CASZ1: variants seen among roughly 807,000 people sequenced by gnomAD.
CASZ1 encodes the protein castor zinc finger 1, also known as zinc finger protein castor homolog 1.
Under a neutral mutation model 135.2 loss-of-function variants are expected in CASZ1, and 28 were observed. That is an observed-to-expected ratio of 0.21 (90% CI 0.15 to 0.28). The LOEUF (loss-of-function observed/expected upper bound fraction) is 0.28, where lower values mean the gene tolerates loss of function less well. Ranked by LOEUF, CASZ1 falls within the 10% of genes least tolerant of loss-of-function variation. The probability of loss-of-function intolerance (pLI) is 1.00; values close to 1 mark genes in which losing one functional copy is unlikely to be tolerated. For missense variants in CASZ1, 2,161 were observed against 2,453.3 expected (o/e 0.88, Z 2.52); for synonymous variants, 1,068 against 1,073.4 (o/e 0.99, Z 0.10).
At chr1:10,649,946 G>A (rs1377648021) in intron 13 of CASZ1, 2 of 151,832 alleles carry the variant, frequency 1.3e-5, no homozygotes, top group Non-Finnish European at 2.9e-5. Flanking sequence ...GGGTCATTGC[G>A]AGGATCCAAG....
chr1:10,783,039 G>A (rs1043019238), intron 1 of CASZ1, among the ~76,000 whole-genome samples: 1 of 152,118 alleles, frequency 6.6e-6, no homozygotes, highest in Admixed American at 6.5e-5. Flanking sequence ...GAAAGGAGCC[G>A]GCACAATGCA....
At chr1:10,779,368 G>C (rs555499532) in intron 1 of CASZ1, among the ~76,000 whole-genome samples, 1 of 150,160 alleles carries the variant, frequency 6.7e-6, no homozygotes, top group East Asian at 2.0e-4. Flanking sequence ...CACGAAGGCT[G>C]AGTCACCGAT....
In CASZ1 at chr1:10,741,388, C is replaced by T. The variant is rs145253784; in HGVS notation, c.-77+19313G>A. Among the ~76,000 whole-genome samples the T allele has an allele frequency of 1.8e-4, 27 of 152,226 alleles. No homozygotes were observed. The East Asian group carries it at 4.4e-3, about 25-fold the overall frequency. On this transcript the variant is annotated intron_variant, in intron 2 of 20. Transcript: ENST00000377022. The surrounding 1 kb of genome is among the most constrained non-coding windows in gnomAD (Gnocchi z 5.0). ...CCAGCAGTTGTCCTGGGGGTGGGGG[C>T]GGCAGGGCACAGGGAGCAGACACAG...
chr1:10,777,781 A>G lies in CASZ1; in HGVS notation c.-233-16924T>C, dbSNP rs1640687252. On this transcript the variant is annotated intron_variant, in intron 1 of 20. Transcript: ENST00000377022. The surrounding 1 kb of genome is among the most constrained non-coding windows in gnomAD (Gnocchi z 4.4). ...ATACACACCCACTCACATAATCCAC[A>G]TAAAATCACACACAATCTTATATAC... 6.6e-6 allele frequency among the ~76,000 whole-genome samples: 1 copy of G among 151,900 alleles called. No individual in the cohort carries two copies. Among genetic ancestry groups the G allele is most frequent in the African/African-American group, 2.4e-5 (1 of 41,316 alleles).
chr1:10,652,963 G>A, intron 11 of CASZ1: 1 of 270,718 alleles, frequency 3.7e-6, no homozygotes, highest in Non-Finnish European at 7.3e-6. Context: ...CTACCGCTGG[G>A]CTGGACGCAG....
In CASZ1 at chr1:10,647,596, C is replaced by T. The variant is rs1004991604; in HGVS notation, c.3497+205G>A. ...CCACTGCCGCCACCATCGGCCCACG[C>T]GGGCTGGCCTGCTCTGGGACAGGCA... On this transcript the variant is annotated intron_variant, in intron 16 of 20. Coordinates refer to ENST00000377022, the MANE Select transcript of CASZ1 (RefSeq NM_001079843.3). This position sits in a 1 kb window ranked among gnomAD's most constrained non-coding sequence, Gnocchi z 4.9. 37 of 1,431,100 alleles carry T rather than the reference C, an allele frequency of 2.6e-5. No homozygotes were observed. Among genetic ancestry groups the T allele is most frequent in the African/African-American group, 7.2e-5 (5 of 69,646 alleles). 88.7% of individuals were successfully genotyped at this position (1,431,100 alleles called of 1,614,324 possible).
At chr1:10,733,575 T>C (rs1639742027) in intron 2 of CASZ1, among the ~76,000 whole-genome samples, 2 of 152,156 alleles carry the variant, frequency 1.3e-5, no homozygotes, top group Non-Finnish European at 2.9e-5. Flanking sequence ...GCAGAGAAGT[T>C]ACCGGGCAAC....
chr1:10,729,521 C>G (rs1446338619), intron 2 of CASZ1, among the ~76,000 whole-genome samples: 6 of 152,206 alleles, frequency 3.9e-5, no homozygotes, highest in African/African-American at 1.4e-4. Flanking sequence ...AGAACTCAGC[C>G]CCTTCAGATG....
chr1:10,652,654 G>GC (rs1642632341), intron 11 of CASZ1: 1 of 152,224 alleles, frequency 6.6e-6, no homozygotes, highest in East Asian at 1.9e-4. Flanking sequence ...AGAGAACTGC[G>GC]CCCCTCAGTG....
At position 10,643,015 on chromosome 1, in the gene CASZ1, G is replaced by A. The variant is rs373123307; in HGVS notation, c.4021-15C>T. ...CCTGGGGGGCCCTGAAAGGACACGG[G>A]GGTCCCTGAGGAAGTGGGGCTGTGG... On this transcript the variant is annotated splice_polypyrimidine_tract_variant and intron_variant, in intron 19 of 20. Transcript: ENST00000377022. 8 of 1,610,150 alleles carry A rather than the reference G, an allele frequency of 5.0e-6. No homozygotes were observed. In the African/African-American group the frequency reaches 1.1e-4, roughly 22 times the overall value.
chr1:10,793,383 G>GT (rs1234311448), intron 1 of CASZ1, among the ~76,000 whole-genome samples: 2 of 151,980 alleles, frequency 1.3e-5, no homozygotes, highest in Non-Finnish European at 2.9e-5. Context: ...CCTCTCCTTC[G>GT]TAAGAAGGAA....
chr1:10,764,445 T>A lies in CASZ1; in HGVS notation c.-233-3588A>T, dbSNP rs193243130. Among the ~76,000 whole-genome samples the A allele has an allele frequency of 6.6e-5, 10 of 152,354 alleles. No individual in the cohort carries two copies. In the East Asian group the frequency reaches 9.6e-4, roughly 15 times the overall value. ...CTTGGTATGAACCAGTCAGATGCCT[T>A]CTATCTGCCAAGCACCGTGCCAAGT... On this transcript the variant is annotated intron_variant, in intron 1 of 20. Transcript: ENST00000377022.
In CASZ1 at chr1:10,643,001, C is replaced by T; in HGVS notation, c.4021-1G>A. ...CAGCATCCATCAGGCCTGGGGGGCC[C>T]TGAAAGGACACGGGGGTCCCTGAGG... On this transcript the variant is annotated splice_acceptor_variant, in intron 19 of 20. Coordinates refer to ENST00000377022, the MANE Select transcript of CASZ1 (RefSeq NM_001079843.3). LOFTEE classifies it high-confidence loss of function. 6.2e-7 allele frequency: 1 copy of T among 1,612,042 alleles called. No individual in the cohort carries two copies. Among genetic ancestry groups the T allele is most frequent in the Non-Finnish European group, 8.5e-7 (1 of 1,179,292 alleles).
At chr1:10,715,742 G>A (rs1378458833) in intron 2 of CASZ1, among the ~76,000 whole-genome samples, 50 of 75,148 alleles carry the variant, frequency 6.7e-4, no homozygotes, top group African/African-American at 1.5e-3. Flanking sequence ...CACCCAATCC[G>A]CTCCCCACAG....
chr1:10,759,595 C>A lies in CASZ1; in HGVS notation c.-77+1106G>T. On this transcript the variant is annotated intron_variant, in intron 2 of 20. Transcript: ENST00000377022. The surrounding 1 kb of genome is among the most constrained non-coding windows in gnomAD (Gnocchi z 4.2). ...TGAGGAGGCATGGCCTGGATTCAGG[C>A]AGGTCTGCAGCTTCAGGGACCTACC... Among the ~76,000 whole-genome samples, 1 of 152,192 alleles carries A rather than the reference C, an allele frequency of 6.6e-6. No individual in the cohort carries two copies. The highest frequency in any genetic ancestry group is 1.9e-4 in the East Asian group (1 of 5,194).
At chr1:10,690,858 C>T (rs1260174976) in intron 4 of CASZ1, among the ~76,000 whole-genome samples, 1 of 152,252 alleles carries the variant, frequency 6.6e-6, no homozygotes, top group Non-Finnish European at 1.5e-5. Context: ...CTCAGAGCTC[C>T]ACCCGTGCTT....
At chr1:10,748,905 C>T (rs1373819735) in intron 2 of CASZ1, among the ~76,000 whole-genome samples, 1 of 152,220 alleles carries the variant, frequency 6.6e-6, no homozygotes, top group Non-Finnish European at 1.5e-5. Context: ...TGAGGCAGCC[C>T]TAACATCGCC....
chr1:10,693,828 G>A (rs750151651), intron 4 of CASZ1, 46 bp downstream of exon 4: 11 of 1,575,662 alleles, frequency 7.0e-6, no homozygotes, highest in Admixed American at 1.7e-5. Context: ...TAAAAGAAGC[G>A]AAAGAAAAGT....
chr1:10,636,964 T>C lies in CASZ1; in HGVS notation c.*1978A>G, dbSNP rs1045386523. On this transcript the variant is annotated 3_prime_UTR_variant, in exon 21 of 21. Coordinates refer to ENST00000377022, the MANE Select transcript of CASZ1 (RefSeq NM_001079843.3). Reference sequence around the variant, plus strand: ...TAGTTATAAAACATTAAAAAGAGCATTGGTGGATCAAGCATTGTTTCCCCA... The same window carrying C: ...TAGTTATAAAACATTAAAAAGAGCACTGGTGGATCAAGCATTGTTTCCCCA... 2 of 152,326 alleles carry C rather than the reference T, an allele frequency of 1.3e-5. No individual in the cohort carries two copies. Among genetic ancestry groups the C allele is most frequent in the East Asian group, 3.8e-4 (2 of 5,200 alleles). 9.4% of individuals were successfully genotyped at this position (152,326 alleles called of 1,614,324 possible).
Sources: allele counts gnomAD v4.1 joint callset (sites outside exome capture counted in the v4.1 genomes callset), GRCh38; gene constraint gnomAD v4.1.1; non-coding constraint Gnocchi (gnomAD v3.1); transcripts MANE v1.5; gene names NCBI Gene and HGNC (gene_info 2026-07-23, HGNC 2026-07-21).